Variants in CSMD1 observed in about 807,000 individuals in gnomAD.
CSMD1 encodes the protein CUB and sushi domain-containing protein 1.
A neutral mutation model predicts 417.5 loss-of-function variants in CSMD1; 213 were observed. That is an observed-to-expected ratio of 0.51 (90% CI 0.46 to 0.57). CSMD1 has a LOEUF of 0.57. CSMD1 is among the 20% of genes least tolerant of loss of function. CSMD1 has a pLI of 0.00. For synonymous variants in CSMD1, 2,862 were observed against 1,736.8 expected, an observed-to-expected ratio of 1.65 and a Z score of -16.11; for missense variants, 6,923 against 4,529.7, an observed-to-expected ratio of 1.53 and a Z score of -15.17.
intron 1 of CSMD1, among the ~76,000 whole-genome samples, chr8:4,759,973 T>G (rs1224009820): frequency 1.3e-5 from 2 of 152,216 alleles, no homozygotes; most frequent in Non-Finnish European, 2.9e-5. Flanking sequence ...TTTTAGAACT[T>G]TGAGGAATCA....
Position 3,547,795 on chromosome 8 carries a change from T to C in CSMD1, c.1344+27150A>G, listed in dbSNP as rs369537083. Among the ~76,000 whole-genome samples, 8 of 152,300 alleles carry C rather than the reference T, an allele frequency of 5.3e-5. No homozygotes were observed. The East Asian group carries it at 7.7e-4, about 15-fold the overall frequency. On this transcript the variant is annotated intron_variant, in intron 10 of 69. Transcript: ENST00000635120. ...TTTTCTTGTTGCTCTTTAAGATTTA[T>C]GAAAAGAAAATAAAATGATTAAAGA...
chr8:3,251,742 A>T (rs1446106790), intron 26 of CSMD1, among the ~76,000 whole-genome samples: 1 of 152,080 alleles, frequency 6.6e-6, no homozygotes, highest in Non-Finnish European at 1.5e-5. Context: ...TATTTCATTG[A>T]GCAGTGGATT....
rs188414892 is a variant in CSMD1 at position 4,368,633 on chromosome 8, G to A, written c.415+51320C>T. Among the ~76,000 whole-genome samples, 804 of 152,092 alleles carry A rather than the reference G, an allele frequency of 5.3e-3. 6 individuals carry two copies. The highest frequency in any genetic ancestry group is 0.018 in the African/African-American group (735 of 41,506). ...TTTGGTTGGTAGGCTTTTTATTACC[G>A]ATTCAATTTTGGAACTTATTGGTCT... On this transcript the variant is annotated intron_variant, in intron 3 of 69. Coordinates refer to ENST00000635120, the MANE Select transcript of CSMD1 (RefSeq NM_033225.6).
chr8:4,619,046 G>A (rs372071735), intron 2 of CSMD1, among the ~76,000 whole-genome samples: 1 of 152,214 alleles, frequency 6.6e-6, no homozygotes, highest in East Asian at 1.9e-4. Flanking sequence ...TTACTTCTCT[G>A]CTCAAGCATT....
At chr8:3,372,924 C>T (rs577704194) in intron 18 of CSMD1, among the ~76,000 whole-genome samples, 177 of 152,236 alleles carry the variant, frequency 1.2e-3, no homozygotes, top group African/African-American at 4.0e-3. Context: ...CAGCAGAGGA[C>T]GGAGGAGTCC....
intron 3 of CSMD1, among the ~76,000 whole-genome samples, chr8:4,190,382 C>G (rs1798950304): frequency 6.6e-6 from 1 of 151,938 alleles, no homozygotes; most frequent in South Asian, 2.1e-4. Flanking sequence ...AATGAAGCAG[C>G]CACTACTTGA....
chr8:4,409,491 A>T (rs970740386), intron 3 of CSMD1, among the ~76,000 whole-genome samples: 1 of 152,194 alleles, frequency 6.6e-6, no homozygotes, highest in Non-Finnish European at 1.5e-5. Flanking sequence ...TTGATATTTG[A>T]GAACAATAAA....
At chr8:3,535,103 T>A (rs1798138803) in intron 10 of CSMD1, among the ~76,000 whole-genome samples, 1 of 149,904 alleles carries the variant, frequency 6.7e-6, no homozygotes, top group South Asian at 2.1e-4. Flanking sequence ...TGTACCAACA[T>A]AGTCAGCTAA....
intron 3 of CSMD1, among the ~76,000 whole-genome samples, chr8:4,369,977 G>A (rs190037749): frequency 6.6e-6 from 1 of 152,060 alleles, no homozygotes; most frequent in Non-Finnish European, 1.5e-5. Flanking sequence ...CGTGAGAATT[G>A]TATCTATCAT....
At chr8:3,083,544 C>T (rs1198051759) in intron 49 of CSMD1, among the ~76,000 whole-genome samples, 12 of 137,796 alleles carry the variant, frequency 8.7e-5, no homozygotes, top group Non-Finnish European at 1.4e-4. Flanking sequence ...CTGTTATACA[C>T]AGCCAAATGT....
chr8:4,937,565 G>C (rs1309344983), intron 1 of CSMD1, among the ~76,000 whole-genome samples: 1 of 152,184 alleles, frequency 6.6e-6, no homozygotes, highest in Non-Finnish European at 1.5e-5. Flanking sequence ...CTTTCTGTCA[G>C]CATGACAAAG....
intron 5 of CSMD1, among the ~76,000 whole-genome samples, chr8:3,787,428 A>G (rs1563079164): frequency 6.6e-6 from 1 of 152,186 alleles, no homozygotes; most frequent in African/African-American, 2.4e-5. Context: ...ATGAATTTCA[A>G]TTCATTTTCT....
At chr8:4,652,585 G>A (rs1365396821) in intron 1 of CSMD1, among the ~76,000 whole-genome samples, 1 of 152,024 alleles carries the variant, frequency 6.6e-6, no homozygotes, top group Non-Finnish European at 1.5e-5. Flanking sequence ...CCGGGAGGCA[G>A]AGGTTGCAGT....
At chr8:3,132,935 C>T (rs775872659) in intron 41 of CSMD1, among the ~76,000 whole-genome samples, 1 of 152,216 alleles carries the variant, frequency 6.6e-6, no homozygotes, top group South Asian at 2.1e-4. Context: ...GTGGGAAGAC[C>T]CTCCTTCGCC....
chr8:3,893,345 A>ATATATATATATATATATG (rs1554476833), intron 5 of CSMD1, among the ~76,000 whole-genome samples: 2 of 127,294 alleles, frequency 1.6e-5, no homozygotes, highest in African/African-American at 5.4e-5. Context: ...AATTTTATAT[A>ATATATATATATATATATG]TATATATATA....
At chr8:3,100,603 C>A (rs140061661) in intron 46 of CSMD1, among the ~76,000 whole-genome samples, 1 of 152,152 alleles carries the variant, frequency 6.6e-6, no homozygotes, top group East Asian at 1.9e-4. Context: ...CAAAAACACA[C>A]GTGAAAGCTT....
intron 7 of CSMD1, among the ~76,000 whole-genome samples, chr8:3,636,512 A>C (rs1797056894): frequency 3.3e-5 from 5 of 152,206 alleles, no homozygotes; most frequent in African/African-American, 1.2e-4. Context: ...TATCTAAGCC[A>C]GTCAAACCCC....
chr8:4,652,809 G>T (rs1025453462), intron 1 of CSMD1, among the ~76,000 whole-genome samples: 1 of 152,060 alleles, frequency 6.6e-6, no homozygotes, highest in African/African-American at 2.4e-5. Context: ...TGGTTTTGGG[G>T]CATTAGATTC....
Position 2,937,795 on chromosome 8 carries a change from C to T in CSMD1, c.*790G>A, listed in dbSNP as rs1419604342. ...TATCTAGGAATACTTTTCCCTAACA[C>T]TCCAACTAAGCTGATGGGGGAATGT... On this transcript the variant is annotated 3_prime_UTR_variant, in exon 70 of 70. Transcript: ENST00000635120. 2 of 152,632 alleles carry T rather than the reference C, an allele frequency of 1.3e-5. No homozygotes were observed. Among genetic ancestry groups the T allele is most frequent in the Non-Finnish European group, 2.9e-5 (2 of 68,044 alleles). The allele number at this position is 152,632 out of a possible 1,614,324, so 9.5% of individuals were successfully genotyped here. A position where few individuals can be genotyped will look rare whatever the true frequency, so the allele number is the denominator to read the frequency against.
Sources: gnomAD v4.1 joint callset for allele counts (sites outside exome capture counted in the v4.1 genomes callset) on GRCh38, gnomAD v4.1.1 for gene constraint, MANE v1.5 for transcripts, NCBI Gene and HGNC (gene_info 2026-07-23, HGNC 2026-07-21) for gene names.